The following KSR2 variants were observed in gnomAD, a reference collection of about 807,000 sequenced individuals.
KSR2 encodes the protein kinase suppressor of ras 2.
KSR2 carries 25 observed loss-of-function variants against 107.8 expected under a neutral mutation model. The ratio of observed to expected loss-of-function variants is 0.23; its 90% CI spans 0.17 to 0.32. The LOEUF is 0.32. Among genes scored for constraint, KSR2 ranks in the 10% least tolerant of loss-of-function variants. The probability of loss-of-function intolerance (pLI) is 1.00; values close to 1 mark genes in which losing one functional copy is unlikely to be tolerated. For missense variants in KSR2, 887 were observed against 1,268.9 expected, an observed-to-expected ratio of 0.70 and a Z score of 4.57; for synonymous variants, 480 against 507.0, an observed-to-expected ratio of 0.95 and a Z score of 0.71.
At chr12:117,762,883 C>A (rs1314071081) in intron 3 of KSR2, among the ~76,000 whole-genome samples, 1 of 149,342 alleles carries the variant, frequency 6.7e-6, no homozygotes, top group Middle Eastern at 3.2e-3. Context: ...AAAAAAAAAC[C>A]TTTTTTTTAT....
chr12:117,528,596 C>A (rs993794322), intron 12 of KSR2, among the ~76,000 whole-genome samples: 12 of 152,204 alleles, frequency 7.9e-5, no homozygotes, highest in African/African-American at 1.2e-4. Flanking sequence ...AAAGAAAGGT[C>A]AACCACAAAG....
chr12:117,855,418 G>T lies in KSR2; in HGVS notation c.472+10C>A, dbSNP rs1388517744. On this transcript the variant is annotated intron_variant, in intron 3 of 19. Coordinates refer to ENST00000339824, the MANE Select transcript of KSR2 (RefSeq NM_173598.6). ...AAGTCTCCACATCCCCGACCCCGGGGCCTGCTCACCTGACATGTGGACATT... is the reference window on the plus strand; with the variant it reads ...AAGTCTCCACATCCCCGACCCCGGGTCCTGCTCACCTGACATGTGGACATT... 2 of 1,614,044 alleles carry T rather than the reference G, an allele frequency of 1.2e-6. No individual in the cohort carries two copies. The highest frequency in any genetic ancestry group is 1.7e-5 in the Admixed American group (1 of 60,028).
Position 117,460,868 on chromosome 12 carries a change from G to A in KSR2, c.*6331C>T, listed in dbSNP as rs12302697. On this transcript the variant is annotated 3_prime_UTR_variant, in exon 20 of 20. Transcript: ENST00000339824. The stretch of plus-strand genomic sequence containing the variant: ...AAACCATCATAGGAATTCCAGCCTG[G>A]CACGTAGTAAGTGCTCTGTGAATGA... 0.12 allele frequency: 18,341 copies of A among 152,228 alleles called. 1,140 individuals are homozygous for A. The highest frequency in any genetic ancestry group is 0.19 in the East Asian group (968 of 5,170). 9.4% of individuals were successfully genotyped at this position (152,228 alleles called of 1,614,324 possible).
chr12:117,476,383 C>T lies in KSR2; in HGVS notation c.2582+81G>A, dbSNP rs530849038. On this transcript the variant is annotated intron_variant, in intron 17 of 19. Transcript: ENST00000339824. ...CCCTGTAGACAGGTACACCCTGGCC[C>T]TTCCAAAAGCACTGAAAGACTTGAG... 1.2e-4 allele frequency: 183 copies of T among 1,464,608 alleles called. No individual in the cohort carries two copies. The African/African-American group carries it at 2.1e-3, about 17-fold the overall frequency. 90.7% of individuals were successfully genotyped at this position (1,464,608 alleles called of 1,614,324 possible).
At chr12:117,652,616 T>C (rs112583908) in intron 5 of KSR2, among the ~76,000 whole-genome samples, 12,462 of 152,244 alleles carry the variant, frequency 0.082, 692 homozygotes, top group African/African-American at 0.14. Context: ...AGACAATTTA[T>C]GCAGTGAATC....
chr12:117,814,197 C>T (rs763608088), intron 3 of KSR2, among the ~76,000 whole-genome samples: 10 of 152,004 alleles, frequency 6.6e-5, no homozygotes, highest in Admixed American at 1.3e-4. Context: ...ATGTTCTATA[C>T]CACTGTGGGA....
intron 14 of KSR2, among the ~76,000 whole-genome samples, chr12:117,520,889 C>G (rs816193): frequency 0.78 from 118,041 of 151,954 alleles, 45,995 homozygotes; most frequent in East Asian, 0.96. Flanking sequence ...CACAACTTGA[C>G]GCTTAGTGCT....
chr12:117,498,498 T>C (rs1873177208), intron 14 of KSR2, among the ~76,000 whole-genome samples: 1 of 152,314 alleles, frequency 6.6e-6, no homozygotes, highest in Middle Eastern at 3.4e-3. Flanking sequence ...GCTCTTGGAA[T>C]GAGTGCATGG....
chr12:117,566,867 T>C (rs886950743), intron 7 of KSR2, among the ~76,000 whole-genome samples: 9 of 152,214 alleles, frequency 5.9e-5, no homozygotes, highest in Admixed American at 4.6e-4. Context: ...AACATCTCTC[T>C]ACTCATCCTA....
chr12:117,730,488 C>CCTTCCACAG (rs1411776711), intron 4 of KSR2, among the ~76,000 whole-genome samples: 10 of 80,062 alleles, frequency 1.2e-4, no homozygotes, highest in African/African-American at 3.6e-4. Flanking sequence ...CTCGTCTCCC[C>CCTTCCACAG]TCTCCCTCTC....
At chr12:117,829,042 T>C (rs544202667) in intron 3 of KSR2, among the ~76,000 whole-genome samples, 10 of 152,256 alleles carry the variant, frequency 6.6e-5, no homozygotes, top group Non-Finnish European at 8.8e-5. Context: ...ATGAACTCAG[T>C]CAACCACACA....
chr12:117,862,068 T>C (rs1470667687), intron 1 of KSR2, among the ~76,000 whole-genome samples: 1 of 151,574 alleles, frequency 6.6e-6, no homozygotes, highest in African/African-American at 2.4e-5. Context: ...TCATCTTTTT[T>C]TTTTTTTTTA....
chr12:117,656,479 T>C (rs551490415), intron 5 of KSR2, among the ~76,000 whole-genome samples: 1 of 152,284 alleles, frequency 6.6e-6, no homozygotes, highest in South Asian at 2.1e-4. Flanking sequence ...CTGGGCGTGG[T>C]GGCACATGCC....
At chr12:117,861,006 A>C (rs1893272126) in intron 1 of KSR2, among the ~76,000 whole-genome samples, 1 of 152,216 alleles carries the variant, frequency 6.6e-6, no homozygotes, top group African/African-American at 2.4e-5. Flanking sequence ...GGCGTGAGCC[A>C]CTGCGCCCGG....
At chr12:117,792,717 C>T (rs113419418) in intron 3 of KSR2, among the ~76,000 whole-genome samples, 2 of 152,204 alleles carry the variant, frequency 1.3e-5, no homozygotes, top group Non-Finnish European at 2.9e-5. Flanking sequence ...TGCTATTTCT[C>T]CAGACCTGGG....
At chr12:117,849,637 A>AAGGAGAAAACTAAGATT (rs1892843252) in intron 3 of KSR2, among the ~76,000 whole-genome samples, 1 of 152,216 alleles carries the variant, frequency 6.6e-6, no homozygotes, top group Non-Finnish European at 1.5e-5. Context: ...CCTAAAACCC[A>AAGGAGAAAACTAAGATT]AGGAGAAAAC....
intron 5 of KSR2, among the ~76,000 whole-genome samples, chr12:117,613,364 G>A (rs1184615324): frequency 6.6e-6 from 1 of 152,164 alleles, no homozygotes; most frequent in African/African-American, 2.4e-5. Flanking sequence ...CCCAGCCTCA[G>A]TCCCAGACCC....
chr12:117,782,008 G>A lies in KSR2; in HGVS notation c.473-20484C>T, dbSNP rs75869914. Among the ~76,000 whole-genome samples, 113 of 152,296 alleles carry A rather than the reference G, an allele frequency of 7.4e-4. 1 individual carries two copies. In the East Asian group the frequency reaches 0.019, roughly 26 times the overall value. ...AACAGAGATGTTCATGCTTAACATC[G>A]TTCCACCCCTAGTTACCAACCCTGT... On this transcript the variant is annotated intron_variant, in intron 3 of 19. Coordinates refer to ENST00000339824, the MANE Select transcript of KSR2 (RefSeq NM_173598.6).
chr12:117,527,083 C>T lies in KSR2; in HGVS notation c.1839G>A (p.Glu613=), dbSNP rs775682300. Residue 613 remains glutamate, a synonymous_variant, in exon 13 of 20, where the codon GAG becomes GAA. Transcript: ENST00000339824. ...CTCTGATTCTCACCTCCGACGTTGGCTCCACTTCAATTTGAAGTAATGGAT... is the reference window on the plus strand; with the variant it reads ...CTCTGATTCTCACCTCCGACGTTGGTTCCACTTCAATTTGAAGTAATGGAT... ...EGNPLLQIEV[E]PTSENEEVHD... 1 of 1,613,774 alleles carries T rather than the reference C, an allele frequency of 6.2e-7. No homozygotes were observed. The highest frequency in any genetic ancestry group is 1.1e-5 in the South Asian group (1 of 91,062).
Sources: gnomAD v4.1 joint callset for allele counts (sites outside exome capture counted in the v4.1 genomes callset) on GRCh38, gnomAD v4.1.1 for gene constraint, MANE v1.5 for transcripts, NCBI Gene and HGNC (gene_info 2026-07-23, HGNC 2026-07-21) for gene names.